KIAA1217: variants seen among roughly 807,000 people sequenced by gnomAD.
The protein encoded by KIAA1217 is sickle tail protein homolog.
A neutral mutation model predicts 163.9 loss-of-function variants in KIAA1217; 88 were observed. The observed-to-expected ratio is 0.54, with a 90% CI of 0.45 to 0.64. The LOEUF (loss-of-function observed/expected upper bound fraction) is 0.64. Among genes scored for constraint, KIAA1217 ranks in the 30% least tolerant of loss-of-function variants. The pLI, the probability that KIAA1217 is intolerant of heterozygous loss-of-function variation, is 0.00. For missense variants in KIAA1217, 2,372 were observed against 2,475.0 expected (o/e 0.96, Z 0.88); for synonymous variants, 903 against 923.1 (o/e 0.98, Z 0.39).
At chr10:24,281,137 T>C (rs1189882633) in intron 2 of KIAA1217, among the ~76,000 whole-genome samples, 1 of 152,236 alleles carries the variant, frequency 6.6e-6, no homozygotes, top group African/African-American at 2.4e-5. Flanking sequence ...ATTGTGAAGA[T>C]AGCACAGAGC....
intron 1 of KIAA1217, among the ~76,000 whole-genome samples, chr10:23,960,458 T>C (rs1008000404): frequency 5.3e-5 from 8 of 151,954 alleles, no homozygotes; most frequent in Non-Finnish European, 1.2e-4. Flanking sequence ...GTTTTCTCCA[T>C]GTTGGTCAGG....
intron 2 of KIAA1217, among the ~76,000 whole-genome samples, chr10:24,178,349 A>T (rs2066005363): frequency 6.6e-6 from 1 of 152,258 alleles, no homozygotes; most frequent in African/African-American, 2.4e-5. Context: ...ATGGCAAGGA[A>T]TCCTATCCCC....
chr10:24,320,837 A>T (rs1299048062), intron 2 of KIAA1217, among the ~76,000 whole-genome samples: 4 of 151,864 alleles, frequency 2.6e-5, no homozygotes, highest in African/African-American at 9.7e-5. Context: ...AGGTCGGGAG[A>T]TCGAGACCAT....
At chr10:24,290,982 C>T (rs1030108563) in intron 2 of KIAA1217, among the ~76,000 whole-genome samples, 9 of 152,156 alleles carry the variant, frequency 5.9e-5, no homozygotes, top group African/African-American at 2.2e-4. Context: ...CAAATTGTGC[C>T]CTCTTTTCAA....
chr10:24,250,383 C>T (rs1450011067), intron 2 of KIAA1217, among the ~76,000 whole-genome samples: 2 of 151,232 alleles, frequency 1.3e-5, no homozygotes, highest in Admixed American at 1.3e-4. Context: ...ACATTGGCAA[C>T]AATTTTACGC....
intron 2 of KIAA1217, among the ~76,000 whole-genome samples, chr10:24,192,141 A>G (rs775068956): frequency 3.9e-5 from 6 of 152,258 alleles, no homozygotes; most frequent in Non-Finnish European, 7.3e-5. Flanking sequence ...AGGTGAATGT[A>G]TGTATGTTTA....
At chr10:24,520,752 G>A (rs7899673) in intron 11 of KIAA1217, among the ~76,000 whole-genome samples, 21,439 of 144,326 alleles carry the variant, frequency 0.15, 2,020 homozygotes, top group East Asian at 0.37. Flanking sequence ...AGGCTGAGGT[G>A]GTAGGATCTC....
At chr10:24,467,762 A>T (rs2063095147) in intron 5 of KIAA1217, among the ~76,000 whole-genome samples, 1 of 151,920 alleles carries the variant, frequency 6.6e-6, no homozygotes, top group Non-Finnish European at 1.5e-5. Context: ...AGGGACTGGG[A>T]TATATTAATG....
At chr10:23,945,311 T>C (rs1402643105) in intron 1 of KIAA1217, among the ~76,000 whole-genome samples, 1 of 152,156 alleles carries the variant, frequency 6.6e-6, no homozygotes, top group Non-Finnish European at 1.5e-5. Flanking sequence ...GAGGTAAATA[T>C]TGATACCTGC....
At chr10:24,032,079 C>CT (rs5783874) in intron 2 of KIAA1217, among the ~76,000 whole-genome samples, 91,438 of 151,870 alleles carry the variant, frequency 0.6, 27,722 homozygotes, top group Middle Eastern at 0.7. Flanking sequence ...ATAACCTCTT[C>CT]TTTTTTAATA....
intron 3 of KIAA1217, among the ~76,000 whole-genome samples, chr10:24,418,763 A>T (rs1273227730): frequency 6.6e-6 from 1 of 152,130 alleles, no homozygotes; most frequent in Non-Finnish European, 1.5e-5. Flanking sequence ...AATTACACCC[A>T]GAGTCTTTTT....
At chr10:24,540,972 A>T (rs2074966989) in intron 17 of KIAA1217, among the ~76,000 whole-genome samples, 1 of 151,648 alleles carries the variant, frequency 6.6e-6, no homozygotes, top group Non-Finnish European at 1.5e-5. Context: ...TTTCACCGTG[A>T]TGACCAGGTC....
At chr10:24,521,023 C>T (rs1326486546) in intron 11 of KIAA1217, among the ~76,000 whole-genome samples, 2 of 141,228 alleles carry the variant, frequency 1.4e-5, no homozygotes, top group Non-Finnish European at 3.1e-5. Context: ...AAAACCCCAT[C>T]TCTAAAAAAA....
intron 14 of KIAA1217, among the ~76,000 whole-genome samples, chr10:24,531,035 A>G (rs2073040256): frequency 6.6e-6 from 1 of 151,874 alleles, no homozygotes; most frequent in South Asian, 2.1e-4. Flanking sequence ...GCCTGTAAAA[A>G]AAAAAAGAAA....
intron 2 of KIAA1217, among the ~76,000 whole-genome samples, chr10:24,171,595 G>T (rs1301300884): frequency 2.0e-5 from 3 of 152,146 alleles, no homozygotes; most frequent in Non-Finnish European, 4.4e-5. Flanking sequence ...ACCTGAGGCT[G>T]GGAGTTCGAG....
intron 2 of KIAA1217, among the ~76,000 whole-genome samples, chr10:24,272,798 T>C (rs532725298): frequency 1.3e-5 from 2 of 152,386 alleles, no homozygotes; most frequent in East Asian, 3.9e-4. Context: ...TTTTTCCCCT[T>C]ATGAGTTATT....
chr10:23,722,906 T>C (rs779364967), intron 1 of KIAA1217, among the ~76,000 whole-genome samples: 10 of 152,162 alleles, frequency 6.6e-5, no homozygotes, highest in Non-Finnish European at 1.2e-4. Context: ...GAACCCTGGG[T>C]CCAGCTGTTC....
chr10:23,784,299 A>G (rs1414935959), intron 1 of KIAA1217, among the ~76,000 whole-genome samples: 1 of 152,064 alleles, frequency 6.6e-6, no homozygotes, highest in African/African-American at 2.4e-5. Flanking sequence ...AATTTTTTTT[A>G]ATACCTTCAC....
chr10:24,402,534 A>AC (rs201578416), intron 3 of KIAA1217, among the ~76,000 whole-genome samples: 32,712 of 149,894 alleles, frequency 0.22, 4,298 homozygotes, highest in East Asian at 0.3. Flanking sequence ...AAAACAAAAA[A>AC]AAAAAAAAGG....
Sources: allele counts gnomAD v4.1 joint callset (sites outside exome capture counted in the v4.1 genomes callset), GRCh38; gene constraint gnomAD v4.1.1; transcripts MANE v1.5; gene names NCBI Gene and HGNC (gene_info 2026-07-23, HGNC 2026-07-21).